DNER: variants seen among roughly 807,000 people sequenced by gnomAD.
DNER encodes delta/notch like EGF repeat containing, also known as delta and Notch-like epidermal growth factor-related receptor.
A neutral mutation model predicts 78.2 loss-of-function variants in DNER; 33 were observed. The ratio of observed to expected loss-of-function variants is 0.42; its 90% CI spans 0.32 to 0.56. DNER has a LOEUF of 0.56. DNER is among the 20% of genes least tolerant of loss of function. The pLI is 0.11. For missense variants in DNER, 918 were observed against 975.3 expected, an observed-to-expected ratio of 0.94 and a Z score of 0.78; for synonymous variants, 417 against 384.8, an observed-to-expected ratio of 1.08 and a Z score of -0.98.
intron 1 of DNER, among the ~76,000 whole-genome samples, chr2:229,624,496 T>TA (rs5839343): frequency 2.1e-4 from 31 of 151,182 alleles, no homozygotes; most frequent in African/African-American, 6.1e-4. Context: ...TATAATAAAC[T>TA]AAAAAAAAAA....
intron 10 of DNER, among the ~76,000 whole-genome samples, chr2:229,401,079 A>G (rs568918844): frequency 3.3e-5 from 5 of 152,126 alleles, no homozygotes; most frequent in Non-Finnish European, 5.9e-5. Flanking sequence ...AAAAGATGCT[A>G]AACATCATTT....
chr2:229,434,541 T>G (rs1178012896), intron 8 of DNER, among the ~76,000 whole-genome samples: 2 of 152,066 alleles, frequency 1.3e-5, no homozygotes, highest in African/African-American at 4.8e-5. Flanking sequence ...ATGAGTAAAT[T>G]CTGAATTCTC....
chr2:229,712,542 A>C lies in DNER; in HGVS notation c.276+1606T>G, dbSNP rs1228217649. On this transcript the variant is annotated intron_variant, in intron 1 of 12. Transcript: ENST00000341772. ...TGAAGGATAAAATTCAGACGTGTGAATATAACAGCAGTTTGATGGACACAC... is the reference window on the plus strand; with the variant it reads ...TGAAGGATAAAATTCAGACGTGTGACTATAACAGCAGTTTGATGGACACAC... Among the ~76,000 whole-genome samples, 5 of 152,220 alleles carry C rather than the reference A, an allele frequency of 3.3e-5. No homozygotes were observed. In the East Asian group the frequency reaches 9.6e-4, roughly 29 times the overall value.
At chr2:229,670,426 G>GC (rs1559202978) in intron 1 of DNER, among the ~76,000 whole-genome samples, 2 of 152,200 alleles carry the variant, frequency 1.3e-5, no homozygotes, top group Non-Finnish European at 2.9e-5. Flanking sequence ...GAAGACCTCG[G>GC]AGGAAACTGG....
chr2:229,675,667 A>G (rs185889401), intron 1 of DNER, among the ~76,000 whole-genome samples: 6 of 152,258 alleles, frequency 3.9e-5, no homozygotes, highest in Admixed American at 1.3e-4. Context: ...CTTGGCTCAC[A>G]TTTCAAAGAG....
At chr2:229,495,868 A>G (rs1287531842) in intron 6 of DNER, among the ~76,000 whole-genome samples, 1 of 152,148 alleles carries the variant, frequency 6.6e-6, no homozygotes, top group African/African-American at 2.4e-5. Context: ...TCATTCTCAT[A>G]TCATGTCTAC....
Position 229,388,245 on chromosome 2 carries a change from T to A in DNER, c.1855+20A>T. On this transcript the variant is annotated intron_variant, in intron 11 of 12. Coordinates refer to ENST00000341772, the MANE Select transcript of DNER (RefSeq NM_139072.4). Reference sequence around the variant, plus strand: ...GCTATAAATGTTAAATAACAGTGGCTGAGCTGCAGAAATACTTACGGATCT... The same window carrying A: ...GCTATAAATGTTAAATAACAGTGGCAGAGCTGCAGAAATACTTACGGATCT... 1 of 1,598,104 alleles carries A rather than the reference T, an allele frequency of 6.3e-7. No individual in the cohort carries two copies. Among genetic ancestry groups the A allele is most frequent in the Non-Finnish European group, 8.5e-7 (1 of 1,172,280 alleles).
chr2:229,692,685 T>A (rs1699599029), intron 1 of DNER, among the ~76,000 whole-genome samples: 1 of 152,202 alleles, frequency 6.6e-6, no homozygotes, highest in Admixed American at 6.5e-5. Context: ...AACAATGGCC[T>A]GCACATCTAA....
intron 4 of DNER, among the ~76,000 whole-genome samples, chr2:229,552,889 C>T (rs985684138): frequency 2.6e-5 from 4 of 152,272 alleles, no homozygotes; most frequent in Middle Eastern, 6.8e-3. Flanking sequence ...CCCATCTTCT[C>T]CTTTGTCTGG....
At chr2:229,692,414 A>ATTACAC (rs796084556) in intron 1 of DNER, among the ~76,000 whole-genome samples, 37 of 152,364 alleles carry the variant, frequency 2.4e-4, no homozygotes, top group African/African-American at 8.9e-4. Context: ...AAACACAGAT[A>ATTACAC]TTACACTCAT....
intron 6 of DNER, among the ~76,000 whole-genome samples, chr2:229,481,135 C>T (rs1459978615): frequency 6.6e-6 from 1 of 152,200 alleles, no homozygotes; most frequent in African/African-American, 2.4e-5. Flanking sequence ...CCCAGTCTCC[C>T]TGGAAAGGGA....
At chr2:229,409,204 G>A (rs1027320284) in intron 9 of DNER, among the ~76,000 whole-genome samples, 2 of 152,146 alleles carry the variant, frequency 1.3e-5, no homozygotes, top group Non-Finnish European at 2.9e-5. Flanking sequence ...TCAATTGAAA[G>A]AATAAAAAGC....
intron 6 of DNER, among the ~76,000 whole-genome samples, chr2:229,490,837 A>G (rs1276364901): frequency 1.3e-5 from 2 of 152,222 alleles, no homozygotes; most frequent in Non-Finnish European, 2.9e-5. Context: ...TATCAGCTGT[A>G]CCTTCAAAGA....
chr2:229,362,778 G>C (rs766299337), intron 12 of DNER, among the ~76,000 whole-genome samples: 3 of 152,112 alleles, frequency 2.0e-5, no homozygotes, highest in Non-Finnish European at 2.9e-5. Context: ...CAGTTAGCAC[G>C]GACATCTCAA....
intron 11 of DNER, among the ~76,000 whole-genome samples, chr2:229,375,969 A>G (rs2106330104): frequency 6.6e-6 from 1 of 152,228 alleles, no homozygotes; most frequent in African/African-American, 2.4e-5. Context: ...TTCTCACAAG[A>G]TCTGATGGTT....
intron 1 of DNER, among the ~76,000 whole-genome samples, chr2:229,694,159 A>C (rs1699627011): frequency 6.6e-6 from 1 of 152,248 alleles, no homozygotes. Context: ...TGTGGTGTTG[A>C]GCCTGTGGGT....
chr2:229,443,879 G>C (rs756350765), intron 8 of DNER, among the ~76,000 whole-genome samples: 2 of 152,174 alleles, frequency 1.3e-5, no homozygotes, highest in African/African-American at 4.8e-5. Flanking sequence ...CTCTTAAAAT[G>C]TAAGTTCTTG....
At chr2:229,601,833 G>A (rs1045650971) in intron 1 of DNER, among the ~76,000 whole-genome samples, 1 of 152,100 alleles carries the variant, frequency 6.6e-6, no homozygotes, top group East Asian at 1.9e-4. Flanking sequence ...TCATAGTGAT[G>A]AATCTATAAG....
At chr2:229,384,200 A>G (rs1035664137) in intron 11 of DNER, among the ~76,000 whole-genome samples, 2 of 152,182 alleles carry the variant, frequency 1.3e-5, no homozygotes, top group African/African-American at 4.8e-5. Flanking sequence ...TAAATAAGTT[A>G]TTTGAAATCA....
Sources: allele counts gnomAD v4.1 joint callset (sites outside exome capture counted in the v4.1 genomes callset), GRCh38; gene constraint gnomAD v4.1.1; transcripts MANE v1.5; gene names NCBI Gene and HGNC (gene_info 2026-07-23, HGNC 2026-07-21).